Variants in APC2 observed in about 807,000 individuals in gnomAD.
APC2 encodes adenomatous polyposis coli protein 2.
In APC2, 41 loss-of-function variants were observed where a neutral mutation model predicts 72.5. The ratio of observed to expected loss-of-function variants is 0.57; its 90% confidence interval spans 0.44 to 0.73. APC2 has a LOEUF of 0.73. Ranked by LOEUF, APC2 falls within the 30% of genes least tolerant of loss-of-function variation. The probability of loss-of-function intolerance (pLI) is 0.00; values close to 1 mark genes in which losing one functional copy is unlikely to be tolerated. For synonymous variants in APC2, 1,898 were observed against 1,612.0 expected (o/e 1.18, Z -4.25); for missense variants, 3,729 against 3,403.4 (o/e 1.10, Z -2.38).
chr19:1,453,719 C>A, intron 4 of APC2, 108 bp downstream of exon 4: 1 of 1,376,320 alleles, frequency 7.3e-7, no homozygotes, highest in Non-Finnish European at 9.8e-7. Flanking sequence ...CCACACCTCA[C>A]ACGCCCCACC....
At chr19:1,453,798 C>G (rs2083777529) in intron 4 of APC2, among the ~76,000 whole-genome samples, 187 bp downstream of exon 4, 1 of 152,214 alleles carries the variant, frequency 6.6e-6, no homozygotes, top group South Asian at 2.1e-4. Flanking sequence ...CGTGGCCTCC[C>G]TCCCCCTCCC....
chr19:1,455,026 G>T, intron 4 of APC2, 123 bp from the exon 5 acceptor site: 2 of 434,660 alleles, frequency 4.6e-6, no homozygotes, highest in Non-Finnish European at 8.0e-6. Flanking sequence ...TGCCACGGGA[G>T]AGACCTTGCC....
chr19:1,456,166 G>T lies in APC2; in HGVS notation c.717+13G>T. On this transcript the variant is annotated intron_variant, in intron 7 of 14. Transcript: ENST00000590469. ...GACGGAGCCCCAGGTACCGGGTGGG[G>T]CAGAGCCAGGGACCAGGGGTGGTGT... 1 of 1,576,920 alleles carries T rather than the reference G, an allele frequency of 6.3e-7. No homozygotes were observed. Among genetic ancestry groups the T allele is most frequent in the Non-Finnish European group, 8.6e-7 (1 of 1,164,138 alleles).
At position 1,452,644 on chromosome 19, in the gene APC2, G is replaced by A. The variant is rs564325943; in HGVS notation, c.-18-340G>A. ...GTCCCAGCTGTCTGTGTGTTTGTCCGGCTGTCAGGATGTGTCCTGGGGGCT... is the reference window on the plus strand; with the variant it reads ...GTCCCAGCTGTCTGTGTGTTTGTCCAGCTGTCAGGATGTGTCCTGGGGGCT... On this transcript the variant is annotated intron_variant, in intron 1 of 14. Coordinates refer to ENST00000590469, the MANE Select transcript of APC2 (RefSeq NM_005883.3). The surrounding 1 kb of genome is among the most constrained non-coding windows in gnomAD (Gnocchi z 5.1). 8 of 240,092 alleles carry A rather than the reference G, an allele frequency of 3.3e-5. No individual in the cohort carries two copies. Among genetic ancestry groups the A allele is most frequent in the South Asian group, 1.3e-4 (2 of 15,044 alleles). The allele number at this position is 240,092 out of a possible 1,614,324, so 14.9% of individuals were successfully genotyped here.
In APC2 at chr19:1,462,139, C is replaced by A. The variant is rs776638848; in HGVS notation, c.1815C>A (p.Arg605=). The A allele has an allele frequency of 2.3e-5, 37 of 1,611,784 alleles. No homozygotes were observed. Among genetic ancestry groups the A allele is most frequent in the Middle Eastern group, 1.7e-4 (1 of 5,910 alleles). The change falls in exon 14 of 15, where the codon CGC becomes CGA. Residue 605 remains arginine, a synonymous_variant. Coordinates refer to ENST00000590469, the MANE Select transcript of APC2 (RefSeq NM_005883.3). ...TCGAGAGCGGCGGCGGCATCCTCCG[C>A]AATGTGTCCAGCCTCGTCGCCACCC... is the stretch of plus-strand genomic sequence containing the variant. The part of the protein sequence containing the change: ...AIIESGGGIL[R]NVSSLVATRE...
chr19:1,449,900 C>T (rs960306128), upstream of APC2, among the ~76,000 whole-genome samples: 1 of 152,224 alleles, frequency 6.6e-6, no homozygotes, highest in Non-Finnish European at 1.5e-5. Flanking sequence ...CAATAAAGTG[C>T]GGGACACAGG....
rs1305742481 is a variant in APC2, at chr19:1,466,029, C to A, written c.2728C>A (p.His910Asn). 3 of 1,495,458 alleles carry A rather than the reference C, an allele frequency of 2.0e-6. No individual in the cohort carries two copies. Among genetic ancestry groups the A allele is most frequent in the Non-Finnish European group, 2.6e-6 (3 of 1,132,138 alleles). The allele number at this position is 1,495,458 out of a possible 1,614,324, so 92.6% of individuals were successfully genotyped here. ...GGRREAGSRA[H>N]PLLRLKAAHA... ...GCGGCGAGAGGCAGGAAGCCGGGCG[C>A]ACCCGCTGCTGCGGCTCAAGGCGGC... Residue 910 changes from histidine to asparagine, a missense_variant, in exon 15 of 15, where the codon CAC becomes AAC. Coordinates refer to ENST00000590469, the MANE Select transcript of APC2 (RefSeq NM_005883.3).
Position 1,457,135 on chromosome 19 carries a change from G to C in APC2, c.1099G>C (p.Glu367Gln), listed in dbSNP as rs2083844859. The C allele has an allele frequency of 6.3e-7, 1 of 1,589,348 alleles. No individual in the cohort carries two copies. The highest frequency in any genetic ancestry group is 8.5e-7 in the Non-Finnish European group (1 of 1,170,810). The change falls in exon 9 of 15, where the codon GAG (glutamate) becomes CAG (glutamine). Residue 367 changes from glutamate to glutamine, a missense_variant. Glu to Gln is a conservative substitution (Grantham distance 29). Transcript: ENST00000590469. ...GCCGGACCAGGGCCTGGCGCGCAAG[G>C]AGATGCGCGTCCTGCACGTGCTGGA... ...SQPDQGLARK[E>Q]MRVLHVLEQI...
chr19:1,460,991 G>A lies in APC2; in HGVS notation c.1522-46G>A, dbSNP rs760897276. 13 of 1,607,540 alleles carry A rather than the reference G, an allele frequency of 8.1e-6. No individual in the cohort carries two copies. In the Admixed American group the frequency reaches 2.0e-4, roughly 25 times the overall value. On this transcript the variant is annotated intron_variant, in intron 12 of 14. Coordinates refer to ENST00000590469, the MANE Select transcript of APC2 (RefSeq NM_005883.3). ...ACTCACATTTGCTGGGGGGTTTGGGGGGCCTGGACCCTAGTCCCACCACAC... is the reference window on the plus strand; with the variant it reads ...ACTCACATTTGCTGGGGGGTTTGGGAGGCCTGGACCCTAGTCCCACCACAC...
At chr19:1,457,763 G>A (rs959099069) in intron 9 of APC2, 12 of 602,896 alleles carry the variant, frequency 2.0e-5, no homozygotes, top group African/African-American at 3.7e-5. Flanking sequence ...GAACTACCTC[G>A]CCTCCCTTCC....
intron 11 of APC2, among the ~76,000 whole-genome samples, 184 bp downstream of exon 11, chr19:1,460,504 C>G (rs1265069381): frequency 6.6e-6 from 1 of 152,250 alleles, no homozygotes; most frequent in East Asian, 1.9e-4. Flanking sequence ...CGTGCTGAAC[C>G]TCCCCACCTG....
In APC2 at chr19:1,469,530, A is replaced by G; in HGVS notation, c.6229A>G (p.Thr2077Ala). Reference protein sequence around the residue: ...SPGERPARRTTSESPSRLPVR... With the variant: ...SPGERPARRTASESPSRLPVR... Reference sequence around the variant, plus strand: ...TGGCGAGCGCCCTGCCCGGCGCACCACCTCCGAGAGCCCGTCCCGCCTGCC... The same window carrying G: ...TGGCGAGCGCCCTGCCCGGCGCACCGCCTCCGAGAGCCCGTCCCGCCTGCC... The change falls in exon 15 of 15, where the codon ACC (threonine) becomes GCC (alanine). Residue 2077 changes from threonine to alanine, a missense_variant. Physicochemically the swap from Thr to Ala is moderately conservative, Grantham distance 58. Coordinates refer to ENST00000590469, the MANE Select transcript of APC2 (RefSeq NM_005883.3). 1 of 1,184,636 alleles carries G rather than the reference A, an allele frequency of 8.4e-7. No individual in the cohort carries two copies. The highest frequency in any genetic ancestry group is 2.0e-5 in the South Asian group (1 of 50,358). 73.4% of individuals were successfully genotyped at this position (1,184,636 alleles called of 1,614,324 possible).
Position 1,466,457 on chromosome 19 carries a change from C to G in APC2, c.3156C>G (p.Ser1052Arg). 2 of 1,598,068 alleles carry G rather than the reference C, an allele frequency of 1.3e-6. No homozygotes were observed. Among genetic ancestry groups the G allele is most frequent in the South Asian group, 2.2e-5 (2 of 90,914 alleles). ...KLAAAPLSVA[S>R]KALQKLAAQE... ...CGGCTGCCCCGCTGTCTGTGGCCAG[C>G]AAGGCACTGCAGAAACTGGCGGCGC... The change falls in exon 15 of 15, where the codon AGC becomes AGG. Residue 1052 changes from serine to arginine, a missense_variant. Coordinates refer to ENST00000590469, the MANE Select transcript of APC2 (RefSeq NM_005883.3).
At chr19:1,447,009 G>C (rs1258329605), upstream of APC2, among the ~76,000 whole-genome samples, 3 of 152,336 alleles carry the variant, frequency 2.0e-5, no homozygotes, top group Admixed American at 1.3e-4. Flanking sequence ...AACGCGGGGC[G>C]GGGGCCGGGG....
rs1568177789 is a variant in APC2 at position 1,465,613 on chromosome 19, A to G, written c.2312A>G (p.Tyr771Cys). Residue 771 changes from tyrosine (Y) to cysteine (C), a missense_variant, in exon 15 of 15, where the codon TAT becomes TGT. By Grantham distance (194) the Tyr-to-Cys change is radical. Coordinates refer to ENST00000590469, the MANE Select transcript of APC2 (RefSeq NM_005883.3). ...CACCTGGACGGCCTGGCCCAAGACTATGCTTCCGATTCGGGCTGCTTTGAC... is the reference window on the plus strand; with the variant it reads ...CACCTGGACGGCCTGGCCCAAGACTGTGCTTCCGATTCGGGCTGCTTTGAC... ...LRHLDGLAQD[Y>C]ASDSGCFDDD... 1 of 1,599,354 alleles carries G rather than the reference A, an allele frequency of 6.3e-7. No homozygotes were observed. The highest frequency in any genetic ancestry group is 8.5e-7 in the Non-Finnish European group (1 of 1,174,188).
upstream of APC2, chr19:1,446,446 G>A (rs1360361625): frequency 1.2e-6 from 1 of 868,664 alleles, no homozygotes. The surrounding 1 kb of genome is among the most constrained non-coding windows in gnomAD (Gnocchi z 6.1). Context: ...GGGCGCATGG[G>A]GCGAGCGCGC....
chr19:1,468,999 C>G lies in APC2; in HGVS notation c.5698C>G (p.Leu1900Val), dbSNP rs776225404. 37 of 1,556,964 alleles carry G rather than the reference C, an allele frequency of 2.4e-5. No individual in the cohort carries two copies. The East Asian group carries it at 8.5e-4, about 36-fold the overall frequency. ...RPPVTQAAGALPGPGASPVPK... is the reference protein window; with the variant it reads ...RPPVTQAAGAVPGPGASPVPK... Reference sequence around the variant, plus strand: ...CCCGGTCACCCAGGCTGCTGGGGCCCTGCCCGGCCCCGGAGCCTCCCCGGT... The same window carrying G: ...CCCGGTCACCCAGGCTGCTGGGGCCGTGCCCGGCCCCGGAGCCTCCCCGGT... Residue 1900 changes from leucine (L) to valine (V), a missense_variant, in exon 15 of 15, where the codon CTG becomes GTG. Leu to Val is a conservative substitution (Grantham distance 32). Coordinates refer to ENST00000590469, the MANE Select transcript of APC2 (RefSeq NM_005883.3).
At chr19:1,456,027 C>G (rs1410245594) in intron 6 of APC2, 49 bp from the exon 7 acceptor site, 2 of 1,470,140 alleles carry the variant, frequency 1.4e-6, no homozygotes, top group South Asian at 2.6e-5. Flanking sequence ...GGGGTCAGAG[C>G]CGGGGGCGGG....
chr19:1,468,700 C>A lies in APC2; in HGVS notation c.5399C>A (p.Ala1800Glu), dbSNP rs555506717. The change falls in exon 15 of 15, where the codon GCA (alanine) becomes GAA (glutamate). Residue 1800 changes from alanine to glutamate, a missense_variant. Physicochemically the swap from Ala to Glu is moderately radical, Grantham distance 107 (BLOSUM62 -1). Transcript: ENST00000590469. ...ACAGTGATCTACGTCCCCAGCCCGG[C>A]ACCCCGTGCCCAGCCCAAAGGGACC... ...GRTVIYVPSP[A>E]PRAQPKGTPG... 2 of 1,539,774 alleles carry A rather than the reference C, an allele frequency of 1.3e-6. No individual in the cohort carries two copies. The highest frequency in any genetic ancestry group is 2.4e-5 in the East Asian group (1 of 41,120).
Sources: allele counts gnomAD v4.1 joint callset (sites outside exome capture counted in the v4.1 genomes callset), GRCh38; gene constraint gnomAD v4.1.1; non-coding constraint Gnocchi (gnomAD v3.1); transcripts MANE v1.5; gene names NCBI Gene and HGNC (gene_info 2026-07-23, HGNC 2026-07-21).